The following PAK1 variants were observed in gnomAD, a reference collection of about 807,000 sequenced individuals.
PAK1 encodes p21 (RAC1) activated kinase 1, also known as serine/threonine-protein kinase PAK 1.
In PAK1, 29 loss-of-function variants were observed where a neutral mutation model predicts 67.4. The ratio of observed to expected loss-of-function variants is 0.43; its 90% CI spans 0.32 to 0.59. The LOEUF (loss-of-function observed/expected upper bound fraction) is 0.59, where lower values mean the gene tolerates loss of function less well. Among genes scored for constraint, PAK1 ranks in the 20% least tolerant of loss-of-function variants. The pLI is 0.07. For missense variants in PAK1, 337 were observed against 670.7 expected (o/e 0.50, Z 5.50); for synonymous variants, 223 against 237.4 (o/e 0.94, Z 0.56).
chr11:77,491,817 A>C, the PAK1 span, among the ~76,000 whole-genome samples: 90 of 152,334 alleles, frequency 5.9e-4, no homozygotes, highest in African/African-American at 2.1e-3. Context: ...AATTTAAAAA[A>C]GACAGGAGTA....
At chr11:77,493,459 T>G in the PAK1 span, among the ~76,000 whole-genome samples, 8 of 137,500 alleles carry the variant, frequency 5.8e-5, no homozygotes, top group African/African-American at 2.0e-4. Flanking sequence ...TTTTTTTTTT[T>G]TTTTTTTTTT....
intron 1 of PAK1, among the ~76,000 whole-genome samples, chr11:77,468,744 G>A (rs1163418586): frequency 2.0e-5 from 3 of 152,134 alleles, no homozygotes; most frequent in Non-Finnish European, 4.4e-5. Context: ...TGTGTCTAGT[G>A]CCCCAAAATT....
intron 7 of PAK1, 110 bp from the exon 8 acceptor site, chr11:77,353,709 AT>A (rs1434967246): frequency 1.2e-6 from 1 of 803,636 alleles, no homozygotes; most frequent in Admixed American, 2.0e-5. Flanking sequence ...ACTACCTCCA[AT>A]AGCCAAAAAG....
At chr11:77,397,616 T>G (rs1952007432) in intron 1 of PAK1, among the ~76,000 whole-genome samples, 1 of 152,260 alleles carries the variant, frequency 6.6e-6, no homozygotes, top group Non-Finnish European at 1.5e-5. Flanking sequence ...GTAGCCACTG[T>G]GTGTAAGGTA....
At chr11:77,444,312 G>A (rs1176739150) in intron 1 of PAK1, among the ~76,000 whole-genome samples, 2 of 145,214 alleles carry the variant, frequency 1.4e-5, no homozygotes, top group Admixed American at 6.9e-5. Flanking sequence ...AAAACCCGAC[G>A]CCTGGGTCCC....
At chr11:77,474,108 C>G (rs1958009341), upstream of PAK1, 1 of 152,378 alleles carries the variant, frequency 6.6e-6, no homozygotes, top group East Asian at 1.9e-4. Context: ...GCCCGGCAGG[C>G]CTGACCGCCT....
chr11:77,477,292 GC>G (rs1419635330), upstream of PAK1, among the ~76,000 whole-genome samples: 1 of 152,140 alleles, frequency 6.6e-6, no homozygotes, highest in African/African-American at 2.4e-5. Context: ...CCATAGGCTG[GC>G]TAATTGATAT....
chr11:77,388,893 G>T (rs1950783428), intron 2 of PAK1, among the ~76,000 whole-genome samples: 1 of 152,138 alleles, frequency 6.6e-6, no homozygotes, highest in African/African-American at 2.4e-5. Context: ...TTTCAGACTG[G>T]AATCTTCTTT....
the PAK1 span, among the ~76,000 whole-genome samples, chr11:77,526,127 C>A: frequency 1.3e-5 from 2 of 152,220 alleles, no homozygotes; most frequent in South Asian, 4.1e-4. Context: ...GCCTATTATT[C>A]TCTAACAGGG....
intron 4 of PAK1, among the ~76,000 whole-genome samples, chr11:77,374,719 C>T (rs1047140980): frequency 2.0e-5 from 3 of 152,130 alleles, no homozygotes; most frequent in Non-Finnish European, 2.9e-5. Flanking sequence ...CAAACCTAGA[C>T]GGTATAGCCT....
At chr11:77,490,609 CCA>C in the PAK1 span, among the ~76,000 whole-genome samples, 2 of 152,096 alleles carry the variant, frequency 1.3e-5, no homozygotes, top group Admixed American at 6.5e-5. Flanking sequence ...TGCCCGGCCG[CCA>C]CCCCGTCTGG....
intron 9 of PAK1, among the ~76,000 whole-genome samples, chr11:77,346,016 C>T (rs904808931): frequency 3.3e-5 from 5 of 152,146 alleles, no homozygotes; most frequent in African/African-American, 1.2e-4. Flanking sequence ...TGCTCTGTTG[C>T]CCAGGCTGGA....
chr11:77,496,190 TG>T, the PAK1 span, among the ~76,000 whole-genome samples: 1 of 152,042 alleles, frequency 6.6e-6, no homozygotes, highest in Non-Finnish European at 1.5e-5. Flanking sequence ...GGCTAATTTT[TG>T]TATTTTTAGT....
chr11:77,520,075 C>T, the PAK1 span, among the ~76,000 whole-genome samples: 3 of 152,050 alleles, frequency 2.0e-5, no homozygotes, highest in African/African-American at 7.2e-5. Flanking sequence ...AAGCCCTGCG[C>T]AGGTTCCCTC....
chr11:77,390,731 A>G (rs1272543685), intron 2 of PAK1, among the ~76,000 whole-genome samples: 1 of 146,888 alleles, frequency 6.8e-6, no homozygotes, highest in Non-Finnish European at 1.5e-5. Flanking sequence ...CAAACTCCTG[A>G]GCTCAAGCAA....
intron 5 of PAK1, among the ~76,000 whole-genome samples, chr11:77,373,406 C>A (rs1316601773): frequency 6.6e-6 from 1 of 151,826 alleles, no homozygotes; most frequent in Non-Finnish European, 1.5e-5. Context: ...TGACATCACA[C>A]TCAATAAGCT....
intron 1 of PAK1, among the ~76,000 whole-genome samples, chr11:77,435,533 C>T (rs2138375589): frequency 6.6e-6 from 1 of 150,664 alleles, no homozygotes; most frequent in East Asian, 1.9e-4. Context: ...TCACTCTGTC[C>T]CCCAGGCTGG....
chr11:77,325,678 G>A (rs942360545), intron 14 of PAK1, among the ~76,000 whole-genome samples: 4 of 152,106 alleles, frequency 2.6e-5, no homozygotes, highest in African/African-American at 9.7e-5. Context: ...CTCATGAACA[G>A]CAAAAGGGGT....
chr11:77,466,797 G>A (rs1230188938), intron 1 of PAK1, among the ~76,000 whole-genome samples: 2 of 152,160 alleles, frequency 1.3e-5, no homozygotes, highest in Non-Finnish European at 2.9e-5. Flanking sequence ...GAAAAAGCAT[G>A]ATGAACTAAA....
Sources: gnomAD v4.1 joint callset for allele counts (sites outside exome capture counted in the v4.1 genomes callset) on GRCh38, gnomAD v4.1.1 for gene constraint, MANE v1.5 for transcripts, NCBI Gene and HGNC (gene_info 2026-07-23, HGNC 2026-07-21) for gene names.